Variants in TAFA2 observed in about 807,000 individuals in gnomAD.
TAFA2 encodes the protein TAFA chemokine like family member 2.
TAFA2 carries 7 observed loss-of-function variants against 18.8 expected under a neutral mutation model. The observed-to-expected ratio is 0.37, with a 90% confidence interval of 0.21 to 0.70. The LOEUF (loss-of-function observed/expected upper bound fraction) is 0.70. Among genes scored for constraint, TAFA2 ranks in the 30% least tolerant of loss-of-function variants. TAFA2 has a pLI of 0.53. For missense variants in TAFA2, 122 were observed against 158.1 expected (o/e 0.77, Z 1.23); for synonymous variants, 60 against 54.2 (o/e 1.11, Z -0.47).
chr12:61,774,010 C>T (rs1447536956), intron 2 of TAFA2, among the ~76,000 whole-genome samples: 1 of 151,512 alleles, frequency 6.6e-6, no homozygotes, highest in Non-Finnish European at 1.5e-5. Context: ...CAGCAAGAAA[C>T]AAACAATCCC....
chr12:61,786,755 A>G (rs953451238), intron 2 of TAFA2, among the ~76,000 whole-genome samples: 5 of 151,598 alleles, frequency 3.3e-5, no homozygotes, highest in Non-Finnish European at 5.9e-5. Context: ...GTATACTATT[A>G]TAAGGTTTTA....
intron 4 of TAFA2, among the ~76,000 whole-genome samples, chr12:61,747,107 A>G (rs958453581): frequency 1.3e-5 from 2 of 152,218 alleles, no homozygotes; most frequent in African/African-American, 2.4e-5. Flanking sequence ...GCCAAAAAAC[A>G]CATGAAAAAG....
intron 1 of TAFA2, among the ~76,000 whole-genome samples, chr12:61,884,054 T>C (rs1875260924): frequency 6.6e-6 from 1 of 152,118 alleles, no homozygotes; most frequent in Admixed American, 6.6e-5. Flanking sequence ...AAGATTTTAA[T>C]ATAGAGAGAT....
Position 61,777,109 on chromosome 12 carries a change from T to C in TAFA2, c.107-22085A>G, listed in dbSNP as rs892180925. Among the ~76,000 whole-genome samples, 2 of 151,904 alleles carry C rather than the reference T, an allele frequency of 1.3e-5. 1 individual carries two copies. The highest frequency in any genetic ancestry group is 4.1e-4 in the South Asian group (2 of 4,832). ...CTGAAAGTGAACATGCAGAGTAACA[T>C]GCCCTCCTGGGCCAGGTAAAATGGC... On this transcript the variant is annotated intron_variant, in intron 2 of 4. Transcript: ENST00000416284.
chr12:61,727,824 C>A lies in TAFA2; in HGVS notation c.385-17407G>T, dbSNP rs537474392. On this transcript the variant is annotated intron_variant, in intron 4 of 4. Transcript: ENST00000416284. ...CTTAGATTGTCTATTCATGCTCTTT[C>A]AGACTTTTTAATGTAGGCATTCAAT... Among the ~76,000 whole-genome samples the A allele has an allele frequency of 9.2e-5, 14 of 152,038 alleles. No individual in the cohort carries two copies. The South Asian group carries it at 2.7e-3, about 29-fold the overall frequency.
At chr12:61,954,077 G>A (rs1565694414) in intron 1 of TAFA2, among the ~76,000 whole-genome samples, 2 of 152,024 alleles carry the variant, frequency 1.3e-5, no homozygotes, top group African/African-American at 4.8e-5. Flanking sequence ...CACCCAAATA[G>A]CGTACACTGA....
chr12:61,850,189 AG>A (rs930903448), intron 2 of TAFA2, among the ~76,000 whole-genome samples: 6 of 152,122 alleles, frequency 3.9e-5, no homozygotes, highest in African/African-American at 1.4e-4. Context: ...GGGATCAGTT[AG>A]GAAAAAAAAG....
At chr12:61,746,616 A>G (rs949758309) in intron 4 of TAFA2, among the ~76,000 whole-genome samples, 1 of 152,162 alleles carries the variant, frequency 6.6e-6, no homozygotes, top group African/African-American at 2.4e-5. Context: ...GTGCCTGGAC[A>G]TCTGACCTAA....
intron 2 of TAFA2, among the ~76,000 whole-genome samples, chr12:61,864,772 CAAAAAAA>C (rs34286549): frequency 3.8e-5 from 3 of 78,408 alleles, no homozygotes; most frequent in Non-Finnish European, 7.5e-5. Context: ...GACTCCGTCT[CAAAAAAA>C]AAAAAAAAAA....
chr12:62,048,092 T>A (rs1164183368), intron 1 of TAFA2, among the ~76,000 whole-genome samples: 1 of 152,224 alleles, frequency 6.6e-6, no homozygotes, highest in African/African-American at 2.4e-5. Context: ...CTGAGTTGAA[T>A]AGTTTTGATA....
chr12:62,056,440 T>A (rs2136781535), intron 1 of TAFA2, among the ~76,000 whole-genome samples: 1 of 152,130 alleles, frequency 6.6e-6, no homozygotes, highest in East Asian at 1.9e-4. Context: ...ATAATTAAAT[T>A]TAAATTAGTA....
intron 1 of TAFA2, among the ~76,000 whole-genome samples, chr12:61,881,100 AT>A (rs200135627): frequency 0.032 from 4,862 of 151,962 alleles, 121 homozygotes; most frequent in East Asian, 0.058. Context: ...TTCCTACTAA[AT>A]TTTTTTTTCT....
intron 1 of TAFA2, among the ~76,000 whole-genome samples, chr12:62,066,126 C>CGTGTGTGTGTGTGTGT (rs3221978): frequency 9.6e-5 from 14 of 145,470 alleles, no homozygotes; most frequent in African/African-American, 3.5e-4. Context: ...CTGAAACAGC[C>CGTGTGTGTGTGTGTGT]GTGTGTGTGT....
chr12:61,854,176 C>A (rs1270666445), intron 2 of TAFA2, among the ~76,000 whole-genome samples: 4 of 151,524 alleles, frequency 2.6e-5, no homozygotes, highest in East Asian at 1.9e-4. Context: ...AGAGACTATG[C>A]AATAAAAAAT....
intron 1 of TAFA2, among the ~76,000 whole-genome samples, chr12:62,211,472 C>A (rs147433045): frequency 1.3e-5 from 2 of 151,518 alleles, no homozygotes; most frequent in South Asian, 2.1e-4. Flanking sequence ...CCCAGCTACT[C>A]GGGAGGCTGA....
At chr12:61,754,011 T>A (rs1254110591) in intron 3 of TAFA2, among the ~76,000 whole-genome samples, 1 of 152,094 alleles carries the variant, frequency 6.6e-6, no homozygotes, top group Non-Finnish European at 1.5e-5. Flanking sequence ...AAGTGTAGAA[T>A]GCAGTATAGT....
chr12:62,245,617 A>C (rs2062881323), intron 1 of TAFA2, among the ~76,000 whole-genome samples: 1 of 147,984 alleles, frequency 6.8e-6, no homozygotes, highest in South Asian at 2.1e-4. Context: ...ATATAAATAT[A>C]TATTATACAT....
chr12:62,142,235 G>A (rs901867242), intron 1 of TAFA2, among the ~76,000 whole-genome samples: 1 of 152,122 alleles, frequency 6.6e-6, no homozygotes, highest in Non-Finnish European at 1.5e-5. Flanking sequence ...CCTGAGCCTG[G>A]TGTAGTGCCC....
chr12:61,805,423 T>G (rs541040627), intron 2 of TAFA2, among the ~76,000 whole-genome samples: 1 of 152,202 alleles, frequency 6.6e-6, no homozygotes, highest in African/African-American at 2.4e-5. Context: ...CATGCCATAC[T>G]ATATTTACAA....
Sources: gnomAD v4.1 joint callset for allele counts (sites outside exome capture counted in the v4.1 genomes callset) on GRCh38, gnomAD v4.1.1 for gene constraint, MANE v1.5 for transcripts, NCBI Gene and HGNC (gene_info 2026-07-23, HGNC 2026-07-21) for gene names.